Variants in MAST4 observed in about 807,000 individuals in gnomAD.
MAST4 encodes the protein microtubule-associated serine/threonine-protein kinase 4.
Under a neutral mutation model 162.7 loss-of-function variants are expected in MAST4, and 89 were observed. The observed-to-expected ratio is 0.55, with a 90% CI of 0.46 to 0.65. The LOEUF (loss-of-function observed/expected upper bound fraction) is 0.65, where lower values mean the gene tolerates loss of function less well. MAST4 is among the 30% of genes least tolerant of loss of function. The pLI is 0.00. For missense variants in MAST4, 3,153 were observed against 3,374.0 expected (o/e 0.93, Z 1.62); for synonymous variants, 1,479 against 1,361.1 (o/e 1.09, Z -1.91).
At chr5:66,861,526 T>C (rs1760116570) in intron 3 of MAST4, among the ~76,000 whole-genome samples, 1 of 152,218 alleles carries the variant, frequency 6.6e-6, no homozygotes, top group African/African-American at 2.4e-5. Flanking sequence ...ATTTAGACCT[T>C]TTTCACTATG....
chr5:66,642,440 TG>T (rs1745546334), intron 1 of MAST4, among the ~76,000 whole-genome samples: 2 of 152,206 alleles, frequency 1.3e-5, no homozygotes, highest in Admixed American at 1.3e-4. Flanking sequence ...TTAGGAAAAT[TG>T]GACAATGACT....
intron 4 of MAST4, among the ~76,000 whole-genome samples, chr5:66,968,185 T>C (rs1746983492): frequency 6.6e-6 from 1 of 152,186 alleles, no homozygotes; most frequent in Admixed American, 6.5e-5. Context: ...GATGTTCTTT[T>C]GTACTTCTGC....
intron 4 of MAST4, among the ~76,000 whole-genome samples, chr5:66,990,977 T>G (rs1488985573): frequency 1.3e-5 from 2 of 152,226 alleles, no homozygotes; most frequent in African/African-American, 2.4e-5. Flanking sequence ...GAGTGAAAGC[T>G]TCTCAAAAAT....
chr5:67,089,986 C>G (rs1407534173), intron 5 of MAST4, among the ~76,000 whole-genome samples, 176 bp from the exon 6 acceptor site: 1 of 152,126 alleles, frequency 6.6e-6, no homozygotes, highest in African/African-American at 2.4e-5. Flanking sequence ...TCCCCCATCC[C>G]CATCTCCTCC....
intron 3 of MAST4, among the ~76,000 whole-genome samples, chr5:66,827,367 C>T (rs923732915): frequency 6.6e-6 from 1 of 152,316 alleles, no homozygotes; most frequent in East Asian, 1.9e-4. Context: ...CACCCTGACA[C>T]CCTTCTCTGC....
At chr5:67,109,046 CT>C (rs1283816652) in intron 10 of MAST4, among the ~76,000 whole-genome samples, 1 of 151,896 alleles carries the variant, frequency 6.6e-6, no homozygotes, top group African/African-American at 2.4e-5. Context: ...ACAGATTCAT[CT>C]GATTTTTTTC....
At chr5:66,868,254 GAAA>G (rs1760670375) in intron 3 of MAST4, among the ~76,000 whole-genome samples, 1 of 152,060 alleles carries the variant, frequency 6.6e-6, no homozygotes, top group South Asian at 2.1e-4. Flanking sequence ...AATAGGGAAA[GAAA>G]AATATTTTCA....
intron 1 of MAST4, among the ~76,000 whole-genome samples, chr5:66,695,423 T>C (rs1048231179): frequency 3.9e-5 from 6 of 152,220 alleles, no homozygotes; most frequent in Admixed American, 3.9e-4. Flanking sequence ...TGTTGCCTTG[T>C]AGTATAGTTT....
intron 4 of MAST4, chr5:67,005,051 T>A (rs780598588): frequency 2.6e-6 from 2 of 773,906 alleles, no homozygotes; most frequent in East Asian, 4.9e-5. Context: ...TTTGCCTCAT[T>A]TGAGGAGTGG....
intron 1 of MAST4, among the ~76,000 whole-genome samples, chr5:66,727,091 G>T (rs1226912615): frequency 6.6e-6 from 1 of 152,078 alleles, no homozygotes; most frequent in Non-Finnish European, 1.5e-5. Flanking sequence ...AGGAAGAAAA[G>T]TCAGCAGAAC....
At chr5:66,891,315 T>C (rs258083) in intron 3 of MAST4, among the ~76,000 whole-genome samples, 69,529 of 151,820 alleles carry the variant, frequency 0.46, 16,363 homozygotes, top group East Asian at 0.67. Flanking sequence ...TACACACATT[T>C]CTCTCCTGAC....
chr5:67,003,646 C>T (rs1177025266), intron 4 of MAST4, among the ~76,000 whole-genome samples: 1 of 152,042 alleles, frequency 6.6e-6, no homozygotes, highest in Non-Finnish European at 1.5e-5. Flanking sequence ...TATATTTTTT[C>T]TTTATGTACT....
At chr5:67,112,987 G>C (rs866516523) in intron 11 of MAST4, among the ~76,000 whole-genome samples, 2 of 152,238 alleles carry the variant, frequency 1.3e-5, no homozygotes, top group South Asian at 4.1e-4. Context: ...TTACTTTGGA[G>C]ATTCCAAGGG....
chr5:66,767,287 G>GGGTCTTT (rs1754146138), intron 2 of MAST4, among the ~76,000 whole-genome samples: 1 of 151,682 alleles, frequency 6.6e-6, no homozygotes, highest in Non-Finnish European at 1.5e-5. Flanking sequence ...GGGGAGCAGG[G>GGGTCTTT]CACTTACTAA....
intron 4 of MAST4, among the ~76,000 whole-genome samples, chr5:66,955,213 G>GAA (rs59269171): frequency 0.038 from 4,574 of 121,302 alleles, 301 homozygotes; most frequent in African/African-American, 0.13. Flanking sequence ...CCTTGTCTCA[G>GAA]AAAAAAAAAA....
intron 1 of MAST4, among the ~76,000 whole-genome samples, chr5:66,689,766 C>T (rs192542215): frequency 2.0e-4 from 30 of 152,274 alleles, no homozygotes; most frequent in African/African-American, 6.7e-4. Context: ...ACTGTTTACC[C>T]CAACAGTCAT....
chr5:66,693,746 G>T (rs991281156), intron 1 of MAST4, among the ~76,000 whole-genome samples: 1 of 129,398 alleles, frequency 7.7e-6, no homozygotes, highest in African/African-American at 3.0e-5. Flanking sequence ...TATGGTCCTC[G>T]CTCTCCTAGA....
intron 1 of MAST4, among the ~76,000 whole-genome samples, chr5:66,646,089 C>G (rs56115032): frequency 0.29 from 44,470 of 151,978 alleles, 6,661 homozygotes; most frequent in African/African-American, 0.33. Flanking sequence ...ATAATTGAAA[C>G]AATGAGATAT....
intron 1 of MAST4, among the ~76,000 whole-genome samples, chr5:66,689,938 T>C (rs75807427): frequency 4.7e-4 from 72 of 152,268 alleles, no homozygotes; most frequent in African/African-American, 1.1e-3. Flanking sequence ...TTCACATGAA[T>C]TGGGGACACC....
Sources: gnomAD v4.1 joint callset for allele counts (sites outside exome capture counted in the v4.1 genomes callset) on GRCh38, gnomAD v4.1.1 for gene constraint, MANE v1.5 for transcripts, NCBI Gene and HGNC (gene_info 2026-07-23, HGNC 2026-07-21) for gene names.